Variants in TENM4 observed in about 807,000 individuals in gnomAD.
TENM4 encodes the protein teneurin-4.
TENM4 carries 82 observed loss-of-function variants against 243.3 expected under a neutral mutation model. The observed-to-expected ratio is 0.34, with a 90% CI of 0.28 to 0.40. The LOEUF (loss-of-function observed/expected upper bound fraction) is 0.40. TENM4 is among the 10% of genes least tolerant of loss of function. TENM4 has a pLI of 1.00. For missense variants in TENM4, 3,138 were observed against 3,673.3 expected, an observed-to-expected ratio of 0.85 and a Z score of 3.77; for synonymous variants, 1,412 against 1,456.3, an observed-to-expected ratio of 0.97 and a Z score of 0.69.
At chr11:79,412,745 C>G (rs112753550) in intron 1 of TENM4, among the ~76,000 whole-genome samples, 56 of 152,346 alleles carry the variant, frequency 3.7e-4, no homozygotes, top group African/African-American at 1.2e-3. Flanking sequence ...GGAAAACACT[C>G]CTGATTATCA....
chr11:79,226,587 C>T (rs545246165), intron 2 of TENM4, among the ~76,000 whole-genome samples: 3 of 152,296 alleles, frequency 2.0e-5, no homozygotes, highest in South Asian at 2.1e-4. Context: ...TCTGGGACAG[C>T]CACCATAGTA....
intron 6 of TENM4, among the ~76,000 whole-genome samples, chr11:79,031,642 T>C (rs1259608291): frequency 6.6e-6 from 1 of 151,862 alleles, no homozygotes; most frequent in Non-Finnish European, 1.5e-5. Context: ...AAGGTCAAGG[T>C]GAGGGGTTTA....
chr11:78,898,374 T>C (rs950746897), intron 7 of TENM4, among the ~76,000 whole-genome samples: 13 of 152,250 alleles, frequency 8.5e-5, no homozygotes, highest in Non-Finnish European at 1.9e-4. Flanking sequence ...AGCCATTAAT[T>C]CTAGACTCTC....
At chr11:78,665,247 CTTTTCT>C (rs1858128608) in intron 32 of TENM4, among the ~76,000 whole-genome samples, 4 of 141,382 alleles carry the variant, frequency 2.8e-5, no homozygotes. Flanking sequence ...TTCTCTCTTT[CTTTTCT>C]TTTTCTTTTT....
chr11:79,255,468 T>C (rs1855684141), intron 2 of TENM4, among the ~76,000 whole-genome samples: 1 of 152,212 alleles, frequency 6.6e-6, no homozygotes, highest in African/African-American at 2.4e-5. Flanking sequence ...AGAACTCCTC[T>C]TGGAAAGCCT....
chr11:79,042,026 C>T (rs1859546910), intron 6 of TENM4, among the ~76,000 whole-genome samples: 1 of 152,106 alleles, frequency 6.6e-6, no homozygotes, highest in South Asian at 2.1e-4. Context: ...TTTGAAAGCA[C>T]CCAGATTTAT....
intron 27 of TENM4, among the ~76,000 whole-genome samples, chr11:78,708,081 G>A (rs897889543): frequency 1.2e-4 from 19 of 152,246 alleles, no homozygotes; most frequent in Admixed American, 1.2e-3. Context: ...GTCACGTGGT[G>A]TAAAGCTCTG....
intron 2 of TENM4, among the ~76,000 whole-genome samples, chr11:79,245,955 A>G (rs1230451894): frequency 1.3e-5 from 2 of 150,962 alleles, no homozygotes; most frequent in Non-Finnish European, 3.0e-5. Context: ...AAAAAAAAAA[A>G]AAAAAAAGAA....
At chr11:79,428,889 G>A (rs1377353764) in intron 1 of TENM4, among the ~76,000 whole-genome samples, 3 of 152,204 alleles carry the variant, frequency 2.0e-5, no homozygotes, top group African/African-American at 7.2e-5. Context: ...TGTATTCTAT[G>A]CAGCATTTCT....
At chr11:79,337,692 G>A (rs974528922) in intron 1 of TENM4, among the ~76,000 whole-genome samples, 4 of 152,184 alleles carry the variant, frequency 2.6e-5, no homozygotes, top group Non-Finnish European at 4.4e-5. Context: ...CTGGTTTCTA[G>A]CAACTTCCAT....
At chr11:78,944,437 T>C (rs1206500869) in intron 6 of TENM4, among the ~76,000 whole-genome samples, 1 of 152,204 alleles carries the variant, frequency 6.6e-6, no homozygotes, top group Non-Finnish European at 1.5e-5. Flanking sequence ...TGCCTTACTT[T>C]GAAACAACAA....
intron 3 of TENM4, among the ~76,000 whole-genome samples, chr11:79,171,424 G>A (rs1479266691): frequency 6.6e-6 from 1 of 152,190 alleles, no homozygotes. Context: ...CCTTCCTAGA[G>A]GGAAACCCAG....
intron 6 of TENM4, among the ~76,000 whole-genome samples, chr11:79,040,870 A>G (rs1329296020): frequency 6.6e-6 from 1 of 152,188 alleles, no homozygotes; most frequent in East Asian, 1.9e-4. Context: ...TAAAATGCAG[A>G]TTCCCAAGCT....
At chr11:79,123,864 C>T (rs72933192) in intron 4 of TENM4, among the ~76,000 whole-genome samples, 8,463 of 152,268 alleles carry the variant, frequency 0.056, 341 homozygotes, top group Non-Finnish European at 0.079. Context: ...TTACTGCAGG[C>T]CTTCTCAGAG....
chr11:79,225,536 G>C (rs996228290), intron 2 of TENM4, among the ~76,000 whole-genome samples: 1 of 152,090 alleles, frequency 6.6e-6, no homozygotes, highest in Admixed American at 6.5e-5. Context: ...TCCCACCTCA[G>C]CCTCCTGAGT....
chr11:79,200,093 G>A (rs1016078463), intron 3 of TENM4, among the ~76,000 whole-genome samples: 2 of 152,168 alleles, frequency 1.3e-5, no homozygotes, highest in Non-Finnish European at 2.9e-5. Flanking sequence ...CACTCTTCTC[G>A]CCTTCTCTCC....
intron 2 of TENM4, among the ~76,000 whole-genome samples, chr11:79,290,893 G>C (rs943738191): frequency 2.0e-5 from 3 of 152,154 alleles, no homozygotes; most frequent in African/African-American, 7.2e-5. Context: ...CAGAAAAGCT[G>C]GCACATCCTG....
chr11:79,229,994 C>CT (rs60636115), intron 2 of TENM4, among the ~76,000 whole-genome samples: 10,272 of 132,592 alleles, frequency 0.077, 541 homozygotes, highest in East Asian at 0.2. Context: ...GTTTGGCTAA[C>CT]TTTTTTTTTT....
intron 15 of TENM4, among the ~76,000 whole-genome samples, chr11:78,791,588 A>T (rs1332212992): frequency 6.6e-6 from 1 of 152,240 alleles, no homozygotes; most frequent in Non-Finnish European, 1.5e-5. Context: ...TGGAGATCCC[A>T]TGGTGATTAT....
Sources: allele counts gnomAD v4.1 joint callset (sites outside exome capture counted in the v4.1 genomes callset), GRCh38; gene constraint gnomAD v4.1.1; transcripts MANE v1.5; gene names NCBI Gene and HGNC (gene_info 2026-07-23, HGNC 2026-07-21).